The following KPNA3 variants were observed in gnomAD, a reference collection of about 807,000 sequenced individuals.
The protein encoded by KPNA3 is importin subunit alpha-4.
Under a neutral mutation model 73.8 loss-of-function variants are expected in KPNA3, and 13 were observed. That is an observed-to-expected ratio of 0.18 (90% CI 0.11 to 0.28). KPNA3 has a LOEUF of 0.28. Ranked by LOEUF, KPNA3 falls within the 10% of genes least tolerant of loss-of-function variation. The pLI is 1.00. For synonymous variants in KPNA3, 186 were observed against 206.9 expected (o/e 0.90, Z 0.87); for missense variants, 360 against 618.1 (o/e 0.58, Z 4.43).
intron 2 of KPNA3, among the ~76,000 whole-genome samples, chr13:49,741,850 T>C (rs1172982177): frequency 6.6e-6 from 1 of 152,240 alleles, no homozygotes; most frequent in Non-Finnish European, 1.5e-5. Context: ...CTATAGGTTC[T>C]CTCTTTATTA....
intron 10 of KPNA3, among the ~76,000 whole-genome samples, chr13:49,713,295 T>C (rs968935993): frequency 1.4e-4 from 10 of 71,210 alleles, no homozygotes; most frequent in African/African-American, 4.5e-4. Flanking sequence ...AAGCAGAGAA[T>C]AAACACACAC....
intron 10 of KPNA3, among the ~76,000 whole-genome samples, chr13:49,712,866 A>G (rs1355481363): frequency 6.6e-6 from 1 of 152,012 alleles, no homozygotes; most frequent in Non-Finnish European, 1.5e-5. Context: ...TGAGAAAGAC[A>G]AAAGTATGCT....
chr13:49,780,634 C>T (rs568015105), intron 1 of KPNA3, among the ~76,000 whole-genome samples: 1 of 152,256 alleles, frequency 6.6e-6, no homozygotes, highest in African/African-American at 2.4e-5. Context: ...AAATGTTCCC[C>T]AGCGAAAAGG....
chr13:49,791,218 ACCTT>A (rs527636182), intron 1 of KPNA3, among the ~76,000 whole-genome samples: 57 of 152,288 alleles, frequency 3.7e-4, no homozygotes, highest in South Asian at 3.5e-3. Flanking sequence ...TTACCCCACA[ACCTT>A]CCTTAAGACA....
chr13:49,724,212 A>C (rs1301391411), intron 7 of KPNA3, among the ~76,000 whole-genome samples: 3 of 152,130 alleles, frequency 2.0e-5, no homozygotes, highest in African/African-American at 7.2e-5. Context: ...TATGAATAAC[A>C]TTGCTGTGAA....
chr13:49,723,856 G>A (rs1258903126), intron 7 of KPNA3, among the ~76,000 whole-genome samples: 3 of 143,874 alleles, frequency 2.1e-5, no homozygotes, highest in Admixed American at 7.3e-5. Flanking sequence ...GCGACAGAGC[G>A]AGACTCCGTC....
intron 15 of KPNA3, among the ~76,000 whole-genome samples, chr13:49,704,591 A>G (rs1441031416): frequency 6.6e-6 from 1 of 152,058 alleles, no homozygotes; most frequent in Non-Finnish European, 1.5e-5. Flanking sequence ...AAAGTAGTCA[A>G]TGAAATGTAA....
At chr13:49,742,521 G>A (rs993204061) in intron 2 of KPNA3, among the ~76,000 whole-genome samples, 8 of 151,936 alleles carry the variant, frequency 5.3e-5, no homozygotes, top group African/African-American at 1.9e-4. Context: ...TGGCTTTGCA[G>A]TAGATTTTCA....
chr13:49,780,748 T>C (rs1281094885), intron 1 of KPNA3, among the ~76,000 whole-genome samples: 1 of 145,948 alleles, frequency 6.9e-6, no homozygotes, highest in Non-Finnish European at 1.5e-5. Flanking sequence ...TAAGATGGAG[T>C]CTCACTCCAT....
chr13:49,737,550 AGT>A (rs752703696), intron 2 of KPNA3, among the ~76,000 whole-genome samples: 42 of 124,618 alleles, frequency 3.4e-4, no homozygotes, highest in Admixed American at 3.2e-3. Context: ...CTTACTATTA[AGT>A]GTGTGTGTCT....
In KPNA3 at chr13:49,792,544, T is replaced by TGCG. The variant is rs377544239; in HGVS notation, c.-41_-39dup. 0.059 allele frequency: 76,242 copies of TGCG among 1,288,506 alleles called. 6,876 individuals are homozygous for TGCG. The highest frequency in any genetic ancestry group is 0.57 in the East Asian group (16,781 of 29,432). 79.8% of individuals were successfully genotyped at this position (1,288,506 alleles called of 1,614,324 possible). On this transcript the variant is annotated 5_prime_UTR_variant, in exon 1 of 17. Transcript: ENST00000261667. ...CTCCGGCGGCGGCTACTCCTGCGGC[T>TGCG]GCGGCGGCGGCGGCGGCGAATCTTG...
chr13:49,703,423 G>A (rs1424756128), intron 15 of KPNA3, among the ~76,000 whole-genome samples: 6 of 151,620 alleles, frequency 4.0e-5, no homozygotes, highest in South Asian at 2.1e-4. Flanking sequence ...CTCGTGATTC[G>A]CCCGCCTTGG....
At chr13:49,765,126 AT>A (rs1416783082) in intron 1 of KPNA3, among the ~76,000 whole-genome samples, 1 of 152,174 alleles carries the variant, frequency 6.6e-6, no homozygotes, top group Non-Finnish European at 1.5e-5. Context: ...GTTATCATAT[AT>A]ATCTCCATGG....
chr13:49,775,774 T>C (rs906511878), intron 1 of KPNA3, among the ~76,000 whole-genome samples: 1 of 152,226 alleles, frequency 6.6e-6, no homozygotes, highest in Non-Finnish European at 1.5e-5. Flanking sequence ...TCTTGTTTCA[T>C]TCATTTTTAT....
In KPNA3 at chr13:49,703,383, T is replaced by C. The variant is rs1278792695; in HGVS notation, c.1373-903A>G. Reference sequence around the variant, plus strand: ...TTTTAGTAGAGACGGGGTTTCACCATGTTGGCCAGGCTGGTCTCGAACTCC... The same window carrying C: ...TTTTAGTAGAGACGGGGTTTCACCACGTTGGCCAGGCTGGTCTCGAACTCC... On this transcript the variant is annotated intron_variant, in intron 15 of 16. Transcript: ENST00000261667. Among the ~76,000 whole-genome samples the C allele has an allele frequency of 3.3e-5, 5 of 151,554 alleles. 1 individual carries two copies. The highest frequency in any genetic ancestry group is 4.1e-4 in the South Asian group (2 of 4,824).
chr13:49,724,074 C>T, intron 7 of KPNA3, among the ~76,000 whole-genome samples: 1 of 152,084 alleles, frequency 6.6e-6, no homozygotes, highest in Non-Finnish European at 1.5e-5. Context: ...CTTCACTTAA[C>T]ATTCTTCAGG....
intron 7 of KPNA3, among the ~76,000 whole-genome samples, chr13:49,723,963 C>T (rs1397673563): frequency 2.0e-5 from 3 of 152,098 alleles, no homozygotes; most frequent in Admixed American, 6.5e-5. Context: ...ATTCCCCAAG[C>T]GGCAGGCAAC....
Position 49,707,716 on chromosome 13 carries a change from C to T in KPNA3, c.1033-1344G>A, listed in dbSNP as rs563021636. ...ATTTAGCTAAAAAAAAAAAAATCACCTATATTGTTAAAAATTTCTTTAGTA... is the reference window on the plus strand; with the variant it reads ...ATTTAGCTAAAAAAAAAAAAATCACTTATATTGTTAAAAATTTCTTTAGTA... On this transcript the variant is annotated intron_variant, in intron 12 of 16. Coordinates refer to ENST00000261667, the MANE Select transcript of KPNA3 (RefSeq NM_002267.4). 2.2e-3 allele frequency among the ~76,000 whole-genome samples: 333 copies of T among 151,678 alleles called. 1 individual carries two copies. Among genetic ancestry groups the T allele is most frequent in the African/African-American group, 7.5e-3 (312 of 41,388 alleles).
chr13:49,788,850 C>T (rs1027626063), intron 1 of KPNA3, among the ~76,000 whole-genome samples: 12 of 151,076 alleles, frequency 7.9e-5, no homozygotes, highest in African/African-American at 2.7e-4. Context: ...AAATTTCTAT[C>T]AGTGATGATA....
Sources: allele counts gnomAD v4.1 joint callset (sites outside exome capture counted in the v4.1 genomes callset), GRCh38; gene constraint gnomAD v4.1.1; transcripts MANE v1.5; gene names NCBI Gene and HGNC (gene_info 2026-07-23, HGNC 2026-07-21).